BBS9: variants seen among roughly 807,000 people sequenced by gnomAD.
BBS9 encodes the protein Bardet-Biedl syndrome 9, also known as protein PTHB1.
BBS9 carries 89 observed loss-of-function variants against 117.7 expected under a neutral mutation model. The ratio of observed to expected loss-of-function variants is 0.76; its 90% confidence interval spans 0.64 to 0.90. The LOEUF (loss-of-function observed/expected upper bound fraction) is 0.90. Among genes scored for constraint, BBS9 ranks in the 40% least tolerant of loss-of-function variants. The pLI, the probability that BBS9 is intolerant of heterozygous loss-of-function variation, is 0.00. For missense variants in BBS9, 982 were observed against 1,042.2 expected, an observed-to-expected ratio of 0.94 and a Z score of 0.80; for synonymous variants, 379 against 370.9, an observed-to-expected ratio of 1.02 and a Z score of -0.25.
intron 9 of BBS9, among the ~76,000 whole-genome samples, chr7:33,334,033 C>T (rs186344655): frequency 1.3e-5 from 2 of 152,198 alleles, no homozygotes; most frequent in Non-Finnish European, 2.9e-5. Context: ...TGGCTACTCT[C>T]TTTACCACTT....
chr7:33,153,933 C>G (rs1193500471), intron 3 of BBS9, among the ~76,000 whole-genome samples: 1 of 152,108 alleles, frequency 6.6e-6, no homozygotes, highest in African/African-American at 2.4e-5. Context: ...CAAAAGCATC[C>G]TTCCTGCTAA....
intron 21 of BBS9, among the ~76,000 whole-genome samples, chr7:33,574,307 C>G (rs1266515788): frequency 6.6e-6 from 1 of 152,142 alleles, no homozygotes; most frequent in Admixed American, 6.6e-5. Flanking sequence ...CCTTTCTTCT[C>G]ACCAACTGTG....
chr7:33,264,462 G>A, intron 7 of BBS9, 88 bp downstream of exon 7: 1 of 807,918 alleles, frequency 1.2e-6, no homozygotes. Flanking sequence ...GGAAGAAAAT[G>A]TAAAAAAATA....
chr7:33,200,396 AC>A (rs1379727852), intron 5 of BBS9, among the ~76,000 whole-genome samples: 4 of 152,152 alleles, frequency 2.6e-5, no homozygotes, highest in Admixed American at 2.6e-4. Context: ...CTGGTCTGTA[AC>A]TATAACTTAA....
intron 18 of BBS9, among the ~76,000 whole-genome samples, chr7:33,387,166 G>T (rs1279058410): frequency 6.6e-6 from 1 of 152,096 alleles, no homozygotes; most frequent in Admixed American, 6.5e-5. Flanking sequence ...GATAACAATA[G>T]ATCAAACAAT....
intron 17 of BBS9, 49 bp from the exon 18 acceptor site, chr7:33,383,617 C>T: frequency 6.7e-7 from 1 of 1,484,044 alleles, no homozygotes; most frequent in South Asian, 1.2e-5. Context: ...GTAGCTTTAT[C>T]TAGTAATTCT....
intron 20 of BBS9, among the ~76,000 whole-genome samples, chr7:33,524,149 G>A (rs1849087427): frequency 1.4e-5 from 2 of 139,506 alleles, no homozygotes; most frequent in Non-Finnish European, 3.1e-5. Context: ...GATTCGTTTT[G>A]CCAGTATTTT....
chr7:33,564,848 C>G (rs1856612436), intron 21 of BBS9, among the ~76,000 whole-genome samples: 1 of 152,166 alleles, frequency 6.6e-6, no homozygotes. Flanking sequence ...GAGATAATCT[C>G]TCTTTTTGAG....
chr7:33,262,438 C>T (rs139466412), intron 6 of BBS9, among the ~76,000 whole-genome samples: 4 of 152,108 alleles, frequency 2.6e-5, no homozygotes, highest in Non-Finnish European at 5.9e-5. Context: ...GCAGGACAAG[C>T]TTTGGGATGA....
intron 7 of BBS9, among the ~76,000 whole-genome samples, chr7:33,267,601 T>G (rs912129072): frequency 2.3e-4 from 35 of 152,234 alleles, no homozygotes; most frequent in South Asian, 6.2e-4. Context: ...AGGTGATATA[T>G]TACCTTATAT....
At chr7:33,361,578 C>T (rs1489928879) in intron 16 of BBS9, among the ~76,000 whole-genome samples, 1 of 152,066 alleles carries the variant, frequency 6.6e-6, no homozygotes, top group Non-Finnish European at 1.5e-5. Flanking sequence ...CAGCTGGATT[C>T]ATTAAATCTT....
rs186858848 is a variant in BBS9 at position 33,270,338 on chromosome 7, C to G, written c.703-2674C>G. 2.6e-3 allele frequency among the ~76,000 whole-genome samples: 390 copies of G among 152,288 alleles called. 5 individuals are homozygous for G. In the South Asian group the frequency reaches 0.04, roughly 15 times the overall value. On this transcript the variant is annotated intron_variant, in intron 7 of 22. Transcript: ENST00000242067. ...CCTCTAAATGATCGCACTAATTCTA[C>G]AGCAAGGATTGTTAACTGGGCTGAG...
At chr7:33,171,135 C>T (rs1049636833) in intron 4 of BBS9, among the ~76,000 whole-genome samples, 16 of 152,220 alleles carry the variant, frequency 1.1e-4, no homozygotes, top group South Asian at 1.0e-3. Flanking sequence ...AAAAAGAGCC[C>T]GCATCGCCAA....
chr7:33,610,371 A>T (rs1864794580), downstream of BBS9, among the ~76,000 whole-genome samples: 1 of 152,086 alleles, frequency 6.6e-6, no homozygotes, highest in Admixed American at 6.6e-5. Flanking sequence ...AGCATTCTGG[A>T]AGCTGGGAAG....
At chr7:33,528,943 A>G (rs1850125278) in intron 20 of BBS9, among the ~76,000 whole-genome samples, 1 of 152,204 alleles carries the variant, frequency 6.6e-6, no homozygotes, top group Non-Finnish European at 1.5e-5. Context: ...ACTGTTTCTA[A>G]TAAGCCACTT....
chr7:33,196,179 T>A (rs540586127), intron 5 of BBS9, among the ~76,000 whole-genome samples: 39 of 152,262 alleles, frequency 2.6e-4, no homozygotes, highest in African/African-American at 8.9e-4. Flanking sequence ...TTTTGCCACA[T>A]CTTTTTAATT....
At chr7:33,222,130 C>G (rs1790365599) in intron 5 of BBS9, among the ~76,000 whole-genome samples, 1 of 152,040 alleles carries the variant, frequency 6.6e-6, no homozygotes, top group East Asian at 1.9e-4. Context: ...CTCTATGAAA[C>G]TTTTAAATTT....
At chr7:33,313,006 A>G (rs1389907604) in intron 9 of BBS9, among the ~76,000 whole-genome samples, 1 of 151,428 alleles carries the variant, frequency 6.6e-6, no homozygotes, top group Non-Finnish European at 1.5e-5. Flanking sequence ...CCTTAGTAAA[A>G]TACTTTTCTA....
chr7:33,287,997 A>G (rs1217857182), intron 9 of BBS9, among the ~76,000 whole-genome samples: 4 of 152,156 alleles, frequency 2.6e-5, no homozygotes, highest in African/African-American at 9.7e-5. Flanking sequence ...TGCACAGGTA[A>G]GAAAGGATAA....
Sources: allele counts gnomAD v4.1 joint callset (sites outside exome capture counted in the v4.1 genomes callset), GRCh38; gene constraint gnomAD v4.1.1; transcripts MANE v1.5; gene names NCBI Gene and HGNC (gene_info 2026-07-23, HGNC 2026-07-21).